The following SETBP1 variants were observed in gnomAD, a reference collection of about 807,000 sequenced individuals.
The protein encoded by SETBP1 is SET binding protein 1.
A neutral mutation model predicts 101.0 loss-of-function variants in SETBP1; 9 were observed. The observed-to-expected ratio is 0.09, with a 90% CI of 0.05 to 0.16. The LOEUF is 0.16. Among genes scored for constraint, SETBP1 ranks in the 10% least tolerant of loss-of-function variants. The pLI, the probability that SETBP1 is intolerant of heterozygous loss-of-function variation, is 1.00. For missense variants in SETBP1, 1,858 were observed against 2,033.8 expected, an observed-to-expected ratio of 0.91 and a Z score of 1.66; for synonymous variants, 818 against 788.5, an observed-to-expected ratio of 1.04 and a Z score of -0.63.
intron 3 of SETBP1, among the ~76,000 whole-genome samples, chr18:44,918,360 C>T (rs773420289): frequency 6.6e-6 from 1 of 152,210 alleles, no homozygotes; most frequent in Non-Finnish European, 1.5e-5. Context: ...GCGTAGGTTT[C>T]CCCAGGCCAG....
chr18:44,840,817 A>C (rs1328381089), intron 2 of SETBP1, among the ~76,000 whole-genome samples: 2 of 152,216 alleles, frequency 1.3e-5, no homozygotes, highest in Non-Finnish European at 2.9e-5. Context: ...GCTTTTTAGA[A>C]ATGTCAATGC....
chr18:44,747,621 A>G (rs2070286111), intron 2 of SETBP1, among the ~76,000 whole-genome samples: 2 of 152,252 alleles, frequency 1.3e-5, no homozygotes, highest in Admixed American at 1.3e-4. Flanking sequence ...TCTGTTTCCT[A>G]CATTTCCCAT....
intron 2 of SETBP1, among the ~76,000 whole-genome samples, chr18:44,750,078 T>TG (rs2070346982): frequency 6.6e-6 from 1 of 152,236 alleles, no homozygotes; most frequent in African/African-American, 2.4e-5. Flanking sequence ...TGTCTAGCTC[T>TG]GGGCTTAATT....
At chr18:45,041,820 G>A (rs926751440) in intron 5 of SETBP1, among the ~76,000 whole-genome samples, 1 of 151,944 alleles carries the variant, frequency 6.6e-6, no homozygotes, top group Non-Finnish European at 1.5e-5. Flanking sequence ...AACCAGGTGT[G>A]GTGGCATGCT....
At position 44,695,041 on chromosome 18, in the gene SETBP1, T is replaced by C. The variant is rs1433144224; in HGVS notation, c.-172-6134T>C. On this transcript the variant is annotated intron_variant, in intron 1 of 5. Transcript: ENST00000649279. ...GTGCAATTGCAGAATTAAAAAAAAA[T>C]CCACAGTGAAGTCAATAAAGGCAAA... Among the ~76,000 whole-genome samples the C allele has an allele frequency of 2.0e-5, 3 of 151,326 alleles. No individual in the cohort carries two copies. The East Asian group carries it at 5.8e-4, about 29-fold the overall frequency.
chr18:44,973,339 T>C (rs1256464851), intron 4 of SETBP1, among the ~76,000 whole-genome samples: 1 of 152,004 alleles, frequency 6.6e-6, no homozygotes, highest in Non-Finnish European at 1.5e-5. Context: ...TAAAATTCTC[T>C]TTTTTTTGTT....
At chr18:44,836,706 G>C (rs1175674507) in intron 2 of SETBP1, among the ~76,000 whole-genome samples, 1 of 152,190 alleles carries the variant, frequency 6.6e-6, no homozygotes, top group Non-Finnish European at 1.5e-5. Flanking sequence ...TGGCAGCTGA[G>C]AAAAAGGACT....
chr18:44,903,541 A>G (rs1017252840), intron 3 of SETBP1, among the ~76,000 whole-genome samples: 4 of 152,220 alleles, frequency 2.6e-5, no homozygotes, highest in Admixed American at 1.3e-4. Flanking sequence ...AGATGATGAG[A>G]GAGAAAGAAA....
intron 3 of SETBP1, among the ~76,000 whole-genome samples, chr18:44,921,785 G>T (rs778188472): frequency 6.6e-6 from 1 of 152,066 alleles, no homozygotes; most frequent in African/African-American, 2.4e-5. Flanking sequence ...CCCAGGGGAC[G>T]GAGGGATAAA....
intron 2 of SETBP1, among the ~76,000 whole-genome samples, chr18:44,786,407 T>C (rs757965931): frequency 1.1e-4 from 17 of 152,276 alleles, no homozygotes; most frequent in Non-Finnish European, 2.1e-4. Context: ...AGGTCCTTGA[T>C]TTTTTCCCCA....
chr18:44,759,599 G>C (rs979932453), intron 2 of SETBP1, among the ~76,000 whole-genome samples: 6 of 152,136 alleles, frequency 3.9e-5, no homozygotes, highest in Non-Finnish European at 5.9e-5. Flanking sequence ...CAGTGTGTGT[G>C]GGGTGAGCTG....
chr18:44,794,747 A>T (rs2071439072), intron 2 of SETBP1, among the ~76,000 whole-genome samples: 1 of 152,176 alleles, frequency 6.6e-6, no homozygotes, highest in South Asian at 2.1e-4. Flanking sequence ...CTACCTTCAC[A>T]TACCACTGCA....
chr18:44,904,503 A>G (rs974897898), intron 3 of SETBP1, among the ~76,000 whole-genome samples: 2 of 152,174 alleles, frequency 1.3e-5, no homozygotes, highest in African/African-American at 4.8e-5. Flanking sequence ...ACCAATAAGA[A>G]AAAAAGAAAC....
chr18:44,732,578 A>C (rs183677036), intron 2 of SETBP1: 11 of 152,376 alleles, frequency 7.2e-5, no homozygotes, highest in Non-Finnish European at 1.6e-4. Flanking sequence ...CTCTGTAAAC[A>C]TGCCCTATTT....
In SETBP1 at chr18:45,008,919, G is replaced by A. The variant is rs537283702; in HGVS notation, c.4001-29566G>A. Among the ~76,000 whole-genome samples the A allele has an allele frequency of 3.9e-5, 6 of 152,316 alleles. No homozygotes were observed. In the South Asian group the frequency reaches 1.0e-3, roughly 26 times the overall value. ...GCTCTAGCAGCAGAAGAGTGAAGACGAGGCAGCAGAACAGCTAGTGTCCCC... is the reference window on the plus strand; with the variant it reads ...GCTCTAGCAGCAGAAGAGTGAAGACAAGGCAGCAGAACAGCTAGTGTCCCC... On this transcript the variant is annotated intron_variant, in intron 4 of 5. Transcript: ENST00000649279.
At chr18:44,798,799 C>G (rs1010794262) in intron 2 of SETBP1, among the ~76,000 whole-genome samples, 3 of 152,128 alleles carry the variant, frequency 2.0e-5, no homozygotes, top group African/African-American at 7.2e-5. Context: ...CCTAAGCATT[C>G]AAAAGACCAA....
intron 4 of SETBP1, among the ~76,000 whole-genome samples, chr18:45,012,555 G>C (rs766023078): frequency 2.6e-5 from 4 of 152,038 alleles, no homozygotes; most frequent in Non-Finnish European, 5.9e-5. Context: ...CTAGCTCTAG[G>C]AATTCACTAG....
intron 4 of SETBP1, among the ~76,000 whole-genome samples, chr18:44,958,228 G>C (rs185718825): frequency 6.6e-6 from 1 of 152,164 alleles, no homozygotes; most frequent in African/African-American, 2.4e-5. Context: ...CCAAGTTATT[G>C]ACCATGTTGA....
chr18:45,067,764 G>T lies in SETBP1; in HGVS notation c.*4066G>T, dbSNP rs990814177. ...CCCCACTGATGAGTCTTCCTTCCCT[G>T]TTGGACTCAGTCATTTGGGGAACAG... is the stretch of plus-strand genomic sequence containing the variant. On this transcript the variant is annotated 3_prime_UTR_variant, in exon 6 of 6. Transcript: ENST00000649279. 1 of 152,078 alleles carries T rather than the reference G, an allele frequency of 6.6e-6. No homozygotes were observed. The highest frequency in any genetic ancestry group is 6.5e-5 in the Admixed American group (1 of 15,274). The allele number at this position is 152,078 out of a possible 1,614,324, so 9.4% of individuals were successfully genotyped here.
Sources: allele counts gnomAD v4.1 joint callset (sites outside exome capture counted in the v4.1 genomes callset), GRCh38; gene constraint gnomAD v4.1.1; transcripts MANE v1.5; gene names NCBI Gene and HGNC (gene_info 2026-07-23, HGNC 2026-07-21).